Variants in COL25A1 observed in about 807,000 individuals in gnomAD.
COL25A1 encodes collagen type XXV alpha 1 chain.
COL25A1 carries 103 observed loss-of-function variants against 128.4 expected under a neutral mutation model. That is an observed-to-expected ratio of 0.80 (90% CI 0.68 to 0.94). The LOEUF (loss-of-function observed/expected upper bound fraction) is 0.94. COL25A1 is among the 40% of genes least tolerant of loss of function. The probability of loss-of-function intolerance (pLI) is 0.00; values close to 1 mark genes in which losing one functional copy is unlikely to be tolerated. For missense variants in COL25A1, 745 were observed against 840.0 expected, an observed-to-expected ratio of 0.89 and a Z score of 1.40; for synonymous variants, 279 against 277.2, an observed-to-expected ratio of 1.01 and a Z score of -0.06.
In COL25A1 at chr4:109,201,450, T is replaced by C. The variant is rs1002873465; in HGVS notation, c.367+99133A>G. Among the ~76,000 whole-genome samples the C allele has an allele frequency of 1.3e-5, 2 of 152,144 alleles. 1 individual carries two copies. Among genetic ancestry groups the C allele is most frequent in the South Asian group, 4.1e-4 (2 of 4,828 alleles). ...GACAAAATCCAACACCTATTCATTA[T>C]AAAAACACACAGCAAACTAAGAATA... On this transcript the variant is annotated intron_variant, in intron 3 of 37. Coordinates refer to ENST00000399132, the MANE Select transcript of COL25A1 (RefSeq NM_198721.4).
chr4:109,151,729 T>A (rs914909783), intron 3 of COL25A1, among the ~76,000 whole-genome samples: 4 of 152,104 alleles, frequency 2.6e-5, no homozygotes, highest in Admixed American at 6.5e-5. Flanking sequence ...ATAAAAACAG[T>A]CTTCCATGCT....
At position 108,899,013 on chromosome 4, in the gene COL25A1, A is replaced by AT. The variant is rs70949055; in HGVS notation, c.861+140_861+141insA. On this transcript the variant is annotated intron_variant, in intron 15 of 37. Transcript: ENST00000399132. ...TATCTATATATCTATATATCTATAT[A>AT]CCTACCTACCTACCTATTAATCTAC... The AT allele has an allele frequency of 3.4e-4, 213 of 630,998 alleles. 1 individual carries two copies. Among genetic ancestry groups the AT allele is most frequent in the African/African-American group, 2.4e-3 (129 of 54,464 alleles). The allele number at this position is 630,998 out of a possible 1,614,324, so 39.1% of individuals were successfully genotyped here. A position where few individuals can be genotyped will look rare whatever the true frequency, so the allele number is the denominator to read the frequency against.
chr4:108,846,516 C>A (rs1034723821), intron 27 of COL25A1, among the ~76,000 whole-genome samples: 1 of 152,184 alleles, frequency 6.6e-6, no homozygotes, highest in Non-Finnish European at 1.5e-5. Flanking sequence ...GCAGCTAATT[C>A]TATCTCACCA....
Position 108,886,492 on chromosome 4 carries a change from G to GTGTGTGTGTGTGTGTGTGTGTT in COL25A1, c.976-2271_976-2270insAACACACACACACACACACACA, listed in dbSNP as rs58157157. On this transcript the variant is annotated intron_variant, in intron 18 of 37. Coordinates refer to ENST00000399132, the MANE Select transcript of COL25A1 (RefSeq NM_198721.4). The stretch of plus-strand genomic sequence containing the variant: ...TGTGTGTGTGTGTGTGTGTGTGTGT[G>GTGTGTGTGTGTGTGTGTGTGTT]TTTAGCTCATCAGCTATTTTATGTG... 3.7e-5 allele frequency among the ~76,000 whole-genome samples: 4 copies of GTGTGTGTGTGTGTGTGTGTGTT among 109,248 alleles called. No individual in the cohort carries two copies. In the East Asian group the frequency reaches 9.8e-4, roughly 27 times the overall value. The allele number at this position is 109,248 out of a possible 152,430, so 71.7% of individuals were successfully genotyped here. A position where few individuals can be genotyped will look rare whatever the true frequency, so the allele number is the denominator to read the frequency against.
At chr4:108,959,020 T>C (rs1184449299) in intron 8 of COL25A1, among the ~76,000 whole-genome samples, 1 of 152,106 alleles carries the variant, frequency 6.6e-6, no homozygotes, top group Non-Finnish European at 1.5e-5. Flanking sequence ...ATCTATGTGT[T>C]TGTATATTTT....
chr4:109,220,338 G>A (rs910543564), intron 3 of COL25A1, among the ~76,000 whole-genome samples: 43 of 152,142 alleles, frequency 2.8e-4, no homozygotes, highest in African/African-American at 1.0e-3. Context: ...TTTCGCTTCA[G>A]GTACTTGTGG....
At chr4:109,017,142 G>A (rs907060137) in intron 5 of COL25A1, among the ~76,000 whole-genome samples, 1 of 152,328 alleles carries the variant, frequency 6.6e-6, no homozygotes, top group African/African-American at 2.4e-5. Flanking sequence ...CACAGCAGAA[G>A]CCACTTGCAG....
intron 6 of COL25A1, among the ~76,000 whole-genome samples, chr4:108,998,567 T>C (rs187043243): frequency 0.011 from 1,680 of 152,190 alleles, 35 homozygotes; most frequent in African/African-American, 0.038. Context: ...TTCAATGCTA[T>C]CCCCATCAGG....
chr4:109,097,811 G>A (rs548671355), intron 3 of COL25A1, among the ~76,000 whole-genome samples: 3 of 151,278 alleles, frequency 2.0e-5, no homozygotes, highest in Admixed American at 6.6e-5. Context: ...CCACAGGTGC[G>A]CACCACCACG....
chr4:109,193,530 A>G (rs1355231404), intron 3 of COL25A1, among the ~76,000 whole-genome samples: 1 of 152,226 alleles, frequency 6.6e-6, no homozygotes, highest in Non-Finnish European at 1.5e-5. Flanking sequence ...TAAAGCTTGC[A>G]GGCAAAGTGA....
intron 3 of COL25A1, among the ~76,000 whole-genome samples, chr4:109,143,950 T>C (rs1212272344): frequency 6.6e-6 from 1 of 152,184 alleles, no homozygotes; most frequent in Non-Finnish European, 1.5e-5. Flanking sequence ...GGCAAGGAGT[T>C]GTGATCCTTT....
At chr4:108,900,689 A>T (rs1278389795) in intron 14 of COL25A1, among the ~76,000 whole-genome samples, 1 of 152,148 alleles carries the variant, frequency 6.6e-6, no homozygotes, top group Non-Finnish European at 1.5e-5. Flanking sequence ...TTAACTGGTT[A>T]TGTTGTGTAA....
In COL25A1 at chr4:109,193,219, A is replaced by G. The variant is rs1484484181; in HGVS notation, c.367+107364T>C. 2.6e-5 allele frequency among the ~76,000 whole-genome samples: 4 copies of G among 152,292 alleles called. No homozygotes were observed. In the East Asian group the frequency reaches 7.7e-4, roughly 29 times the overall value. On this transcript the variant is annotated intron_variant, in intron 3 of 37. Coordinates refer to ENST00000399132, the MANE Select transcript of COL25A1 (RefSeq NM_198721.4). ...TAAAAGTTAACAAGATTTCAATTCA[A>G]GCAACCAGGAAATGTCATAAACAGT...
chr4:108,879,703 T>A (rs1739886822), intron 19 of COL25A1, among the ~76,000 whole-genome samples: 1 of 152,102 alleles, frequency 6.6e-6, no homozygotes, highest in South Asian at 2.1e-4. Context: ...CGCCTCGGCC[T>A]CCCAAAGTGC....
At chr4:109,288,448 T>G (rs192993753) in intron 3 of COL25A1, among the ~76,000 whole-genome samples, 13 of 152,274 alleles carry the variant, frequency 8.5e-5, no homozygotes, top group African/African-American at 2.9e-4. Context: ...GCAAAATCCA[T>G]TATGATCAAA....
chr4:109,110,946 T>C (rs1459036465), intron 3 of COL25A1, among the ~76,000 whole-genome samples: 1 of 152,210 alleles, frequency 6.6e-6, no homozygotes, highest in Non-Finnish European at 1.5e-5. Context: ...CCTGAAATTT[T>C]CCTCCAAAGA....
intron 5 of COL25A1, among the ~76,000 whole-genome samples, chr4:109,021,346 T>A (rs1445006816): frequency 6.6e-6 from 1 of 152,198 alleles, no homozygotes; most frequent in African/African-American, 2.4e-5. Context: ...AGGGACTGGC[T>A]GGAGCAGCGG....
intron 35 of COL25A1, among the ~76,000 whole-genome samples, chr4:108,821,981 C>T (rs1183679450): frequency 6.7e-6 from 1 of 149,808 alleles, no homozygotes; most frequent in South Asian, 2.1e-4. Context: ...AGCTTTTATG[C>T]TTTCCTATGC....
At position 109,200,951 on chromosome 4, in the gene COL25A1, T is replaced by G. The variant is rs562882403; in HGVS notation, c.367+99632A>C. Among the ~76,000 whole-genome samples, 6 of 152,286 alleles carry G rather than the reference T, an allele frequency of 3.9e-5. No homozygotes were observed. The South Asian group carries it at 1.2e-3, about 32-fold the overall frequency. On this transcript the variant is annotated intron_variant, in intron 3 of 37. Coordinates refer to ENST00000399132, the MANE Select transcript of COL25A1 (RefSeq NM_198721.4). ...TATCCTAAATTTGTTTCCTGAGTAT[T>G]AGGTTACTTGATATATATATCTCCT...
Sources: gnomAD v4.1 joint callset for allele counts (sites outside exome capture counted in the v4.1 genomes callset) on GRCh38, gnomAD v4.1.1 for gene constraint, MANE v1.5 for transcripts, NCBI Gene and HGNC (gene_info 2026-07-23, HGNC 2026-07-21) for gene names.